Variants in CHN2 observed in about 807,000 individuals in gnomAD.
CHN2 encodes the protein beta-chimaerin.
In CHN2, 35 loss-of-function variants were observed where a neutral mutation model predicts 56.3. The ratio of observed to expected loss-of-function variants is 0.62; its 90% CI spans 0.47 to 0.82. CHN2 has a LOEUF of 0.82. Among genes scored for constraint, CHN2 ranks in the 40% least tolerant of loss-of-function variants. CHN2 has a pLI of 0.00. For synonymous variants in CHN2, 210 were observed against 212.8 expected, an observed-to-expected ratio of 0.99 and a Z score of 0.12; for missense variants, 491 against 580.5, an observed-to-expected ratio of 0.85 and a Z score of 1.58.
intron 1 of CHN2, among the ~76,000 whole-genome samples, chr7:29,238,015 CTT>C (rs11405147): frequency 8.5e-5 from 9 of 105,962 alleles, no homozygotes; most frequent in East Asian, 2.8e-4. Flanking sequence ...TATGTATTCT[CTT>C]TTTTTTTTTT....
intron 1 of CHN2, chr7:29,195,214 C>A: frequency 2.1e-6 from 1 of 468,740 alleles, no homozygotes; most frequent in Non-Finnish European, 3.7e-6. Flanking sequence ...GCGGTGGTGC[C>A]CTTAGTGTGC....
intron 6 of CHN2, among the ~76,000 whole-genome samples, chr7:29,444,461 C>T (rs1783892919): frequency 6.6e-6 from 1 of 152,212 alleles, no homozygotes; most frequent in African/African-American, 2.4e-5. Context: ...ACCTACTTGG[C>T]ACCTGAGCTA....
At chr7:29,362,925 A>G (rs915508609) in intron 2 of CHN2, among the ~76,000 whole-genome samples, 1 of 152,202 alleles carries the variant, frequency 6.6e-6, no homozygotes, top group Non-Finnish European at 1.5e-5. Flanking sequence ...TCACCAAATA[A>G]TTAAAAATGT....
intron 1 of CHN2, among the ~76,000 whole-genome samples, chr7:29,282,497 C>T (rs946359517): frequency 6.6e-6 from 1 of 152,152 alleles, no homozygotes; most frequent in African/African-American, 2.4e-5. Context: ...TCACTTTGCA[C>T]TATAGAAGCG....
intron 1 of CHN2, among the ~76,000 whole-genome samples, chr7:29,197,222 A>C (rs1349025741): frequency 6.6e-6 from 1 of 152,176 alleles, no homozygotes; most frequent in Non-Finnish European, 1.5e-5. Flanking sequence ...CACTATTTTC[A>C]AGGGCCTACT....
chr7:29,487,912 G>A (rs925802000), intron 7 of CHN2, among the ~76,000 whole-genome samples: 1 of 152,230 alleles, frequency 6.6e-6, no homozygotes, highest in Non-Finnish European at 1.5e-5. Context: ...GCCACTCGAG[G>A]TTTTTGAGCA....
At chr7:29,335,554 C>T (rs914348295) in intron 1 of CHN2, among the ~76,000 whole-genome samples, 1 of 152,208 alleles carries the variant, frequency 6.6e-6, no homozygotes, top group Non-Finnish European at 1.5e-5. Context: ...TTTGCTTTTT[C>T]CTTTTCTAGT....
chr7:29,511,162 A>ATAAACAGTAGGTATTGAGATCTTTATT (rs1791319545), intron 12 of CHN2, among the ~76,000 whole-genome samples: 2 of 149,122 alleles, frequency 1.3e-5, no homozygotes, highest in Admixed American at 1.3e-4. Context: ...GGAGGACTGT[A>ATAAACAGTAGGTATTGAGATCTTTATT]TAAACAGTAG....
intron 1 of CHN2, among the ~76,000 whole-genome samples, chr7:29,297,495 C>A (rs1427065287): frequency 6.6e-6 from 1 of 152,108 alleles, no homozygotes; most frequent in African/African-American, 2.4e-5. Flanking sequence ...GCTCTGGTTG[C>A]GTGATCATTT....
intron 1 of CHN2, among the ~76,000 whole-genome samples, chr7:29,338,174 C>T (rs530283816): frequency 6.6e-6 from 1 of 152,302 alleles, no homozygotes; most frequent in South Asian, 2.1e-4. Flanking sequence ...GTAGGTCAGT[C>T]TTCCCAAGAT....
At chr7:29,394,250 T>C (rs963218517) in intron 4 of CHN2, among the ~76,000 whole-genome samples, 1 of 152,306 alleles carries the variant, frequency 6.6e-6, no homozygotes, top group South Asian at 2.1e-4. Context: ...TCTTGTTTTG[T>C]TTCACTTTTT....
intron 1 of CHN2, among the ~76,000 whole-genome samples, chr7:29,240,926 C>T (rs897721037): frequency 6.6e-6 from 1 of 151,768 alleles, no homozygotes; most frequent in African/African-American, 2.4e-5. Flanking sequence ...CACTGTGTTA[C>T]CCAGCCTGGA....
intron 1 of CHN2, among the ~76,000 whole-genome samples, chr7:29,264,162 GC>G (rs1360622241): frequency 7.1e-5 from 10 of 139,922 alleles, no homozygotes; most frequent in Non-Finnish European, 1.4e-4. Context: ...GAGGTGGGGG[GC>G]CCCCTCTGCC....
At chr7:29,426,206 C>CAAA (rs10630481) in intron 6 of CHN2, among the ~76,000 whole-genome samples, 3,935 of 81,766 alleles carry the variant, frequency 0.048, 373 homozygotes, top group African/African-American at 0.12. Context: ...GACTCTGTCT[C>CAAA]AAAAAAAAAA....
At chr7:29,213,398 C>CTTTCTTT (rs1006641497) in intron 1 of CHN2, among the ~76,000 whole-genome samples, 3 of 152,232 alleles carry the variant, frequency 2.0e-5, no homozygotes, top group African/African-American at 7.2e-5. Flanking sequence ...AGAGAGGTTT[C>CTTTCTTT]TTTCTTTTTT....
intron 1 of CHN2, among the ~76,000 whole-genome samples, chr7:29,236,641 T>A (rs1288361175): frequency 6.6e-6 from 1 of 152,254 alleles, no homozygotes; most frequent in Non-Finnish European, 1.5e-5. Flanking sequence ...TTCTTGTTGC[T>A]GCTATAACAA....
chr7:29,151,933 C>A (rs1010018321), intron 2 of CHN2, among the ~76,000 whole-genome samples: 1 of 152,222 alleles, frequency 6.6e-6, no homozygotes, highest in Non-Finnish European at 1.5e-5. Flanking sequence ...AAAGGACAAA[C>A]AGATAGTAAA....
intron 1 of CHN2, among the ~76,000 whole-genome samples, chr7:29,299,207 G>A (rs536331160): frequency 1.3e-5 from 2 of 152,254 alleles, no homozygotes; most frequent in African/African-American, 4.8e-5. Flanking sequence ...TGCGTAGACC[G>A]GTCGGAGTTT....
At chr7:29,430,793 A>G (rs56284931) in intron 6 of CHN2, among the ~76,000 whole-genome samples, 10,383 of 87,260 alleles carry the variant, frequency 0.12, 364 homozygotes, top group East Asian at 0.33. Flanking sequence ...TGATAGCAAA[A>G]AAAAAAAAAA....
Sources: gnomAD v4.1 joint callset for allele counts (sites outside exome capture counted in the v4.1 genomes callset) on GRCh38, gnomAD v4.1.1 for gene constraint, MANE v1.5 for transcripts, NCBI Gene and HGNC (gene_info 2026-07-23, HGNC 2026-07-21) for gene names.